IRF8: variants seen among roughly 807,000 people sequenced by gnomAD.
IRF8 encodes interferon regulatory factor 8, also known as interferon consensus sequence binding protein 1.
A neutral mutation model predicts 48.7 loss-of-function variants in IRF8; 14 were observed. That is an observed-to-expected ratio of 0.29 (90% CI 0.19 to 0.45). IRF8 has a LOEUF of 0.45. Among genes scored for constraint, IRF8 ranks in the 20% least tolerant of loss-of-function variants. IRF8 has a pLI of 1.00. For synonymous variants in IRF8, 278 were observed against 227.3 expected, an observed-to-expected ratio of 1.22 and a Z score of -2.01; for missense variants, 493 against 580.7, an observed-to-expected ratio of 0.85 and a Z score of 1.55.
intron 2 of IRF8, among the ~76,000 whole-genome samples, chr16:85,906,356 C>G (rs539054787): frequency 2.4e-4 from 37 of 152,266 alleles, no homozygotes; most frequent in African/African-American, 8.9e-4. Context: ...TGGGGGGGCC[C>G]TGAAATCACT....
intron 2 of IRF8, 95 bp downstream of exon 2, chr16:85,903,284 T>A: frequency 1.6e-6 from 2 of 1,216,376 alleles, no homozygotes; most frequent in Non-Finnish European, 2.4e-6. Context: ...CTCATTTACT[T>A]AAAAATTAAT....
In IRF8 at chr16:85,900,391, CTT is replaced by C. The variant is rs1904792504; in HGVS notation, c.-2+1169_-2+1170del. Among the ~76,000 whole-genome samples the C allele has an allele frequency of 2.0e-5, 3 of 152,182 alleles. No individual in the cohort carries two copies. The East Asian group carries it at 5.8e-4, about 29-fold the overall frequency. ...AGGAAGTTATAAACATGTGATTAGA[CTT>C]ATTAATTTTTCCTGGCTGGGCATTT... On this transcript the variant is annotated intron_variant, in intron 1 of 8. Coordinates refer to ENST00000268638, the MANE Select transcript of IRF8 (RefSeq NM_002163.4).
chr16:85,914,319 A>G (rs1208973186), intron 5 of IRF8, 154 bp from the exon 6 acceptor site: 2 of 800,124 alleles, frequency 2.5e-6, no homozygotes, highest in East Asian at 5.4e-5. Flanking sequence ...CTGGTGGGGA[A>G]AAGCACTGAA....
chr16:85,920,193 C>T lies in IRF8; in HGVS notation c.1073C>T (p.Ala358Val), dbSNP rs1306912959. The T allele has an allele frequency of 6.2e-7, 1 of 1,609,528 alleles. No homozygotes were observed. Among genetic ancestry groups the T allele is most frequent in the Non-Finnish European group, 8.5e-7 (1 of 1,177,040 alleles). The change falls in exon 8 of 9, where the codon GCC becomes GTC. Residue 358 changes from alanine to valine, a missense_variant. By Grantham distance (64) the Ala-to-Val change is moderately conservative. Around this residue, in one of 3 missense-constraint regions of IRF8, gnomAD observed 408 missense variants for 449.6 expected, o/e 0.91. Coordinates refer to ENST00000268638, the MANE Select transcript of IRF8 (RefSeq NM_002163.4). ...LCFGEEFPDM[A>V]PLRSKLILVQ... Reference sequence around the variant, plus strand: ...TTTGGGGAAGAGTTTCCGGATATGGCCCCCTTGCGCTCCAAACTCATTCTC... The same window carrying T: ...TTTGGGGAAGAGTTTCCGGATATGGTCCCCTTGCGCTCCAAACTCATTCTC...
rs771149633 is a variant in IRF8, at chr16:85,921,314, G to A, written c.*32G>A. 14 of 1,605,442 alleles carry A rather than the reference G, an allele frequency of 8.7e-6. No homozygotes were observed. In the East Asian group the frequency reaches 1.3e-4, roughly 15 times the overall value. ...CGCTTGGGCGCCCCACCCCGTCTGC[G>A]TCCTGCATCCATCTCCCTGTTACAG... On this transcript the variant is annotated 3_prime_UTR_variant, in exon 9 of 9. Transcript: ENST00000268638.
At chr16:85,917,363 A>G (rs1379471859) in intron 6 of IRF8, among the ~76,000 whole-genome samples, 2 of 152,218 alleles carry the variant, frequency 1.3e-5, no homozygotes, top group South Asian at 2.1e-4. Context: ...CTGCATTCCT[A>G]CCTTAGATTA....
At chr16:85,905,584 T>C (rs960056071) in intron 2 of IRF8, among the ~76,000 whole-genome samples, 32 of 152,254 alleles carry the variant, frequency 2.1e-4, no homozygotes, top group African/African-American at 7.5e-4. Context: ...GGGCCACCAG[T>C]GCCGGTGGAG....
chr16:85,911,511 C>A, intron 3 of IRF8, 59 bp from the exon 4 acceptor site: 1 of 1,373,284 alleles, frequency 7.3e-7, no homozygotes, highest in Non-Finnish European at 1.0e-6. Flanking sequence ...ATTATGGCTT[C>A]AGCAAAGGCT....
intron 2 of IRF8, among the ~76,000 whole-genome samples, chr16:85,905,923 C>T (rs534432017): frequency 6.6e-6 from 1 of 152,292 alleles, no homozygotes; most frequent in African/African-American, 2.4e-5. Flanking sequence ...AGGCCGGCCT[C>T]ATGGTATAGA....
At chr16:85,900,257 G>T (rs746180699) in intron 1 of IRF8, among the ~76,000 whole-genome samples, 7 of 152,120 alleles carry the variant, frequency 4.6e-5, no homozygotes, top group Non-Finnish European at 1.0e-4. Flanking sequence ...TGGATTAGGT[G>T]GGCCCAGGGC....
At chr16:85,914,541 A>G (rs377351151) in intron 6 of IRF8, 21 bp downstream of exon 6, 71 of 1,613,720 alleles carry the variant, frequency 4.4e-5, no homozygotes, top group Non-Finnish European at 5.7e-5. Context: ...GTCCGGGCTG[A>G]GAGGGGCGTG....
intron 1 of IRF8, among the ~76,000 whole-genome samples, chr16:85,899,747 C>G (rs544432577): frequency 3.9e-4 from 60 of 152,340 alleles, no homozygotes; most frequent in African/African-American, 1.4e-3. Flanking sequence ...TTGCTTCCAT[C>G]ACAGCCCAGT....
At chr16:85,914,302 C>T in intron 5 of IRF8, 171 bp from the exon 6 acceptor site, 5 of 719,188 alleles carry the variant, frequency 7.0e-6, no homozygotes, top group East Asian at 2.7e-5. Flanking sequence ...AACAATGGCT[C>T]TCTGCTCTGG....
intron 6 of IRF8, 25 bp from the exon 7 acceptor site, chr16:85,918,392 G>A (rs750578118): frequency 4.4e-6 from 7 of 1,592,652 alleles, no homozygotes; most frequent in African/African-American, 1.3e-5. Context: ...CCGCAGCACC[G>A]TCATCGTGTC....
Position 85,920,159 on chromosome 16 carries a change from G to A in IRF8, c.1039G>A (p.Val347Met), listed in dbSNP as rs781106355. 1 of 1,613,998 alleles carries A rather than the reference G, an allele frequency of 6.2e-7. No individual in the cohort carries two copies. The highest frequency in any genetic ancestry group is 8.5e-7 in the Non-Finnish European group (1 of 1,179,978). Residue 347 changes from valine to methionine, a missense_variant, in exon 8 of 9, where the codon GTG becomes ATG. Physicochemically the swap from Val to Met is conservative, Grantham distance 21. Coordinates refer to ENST00000268638, the MANE Select transcript of IRF8 (RefSeq NM_002163.4). ...SQGRLPDGRV[V>M]LCFGEEFPDM... Reference sequence around the variant, plus strand: ...GGGCCGGCTTCCTGACGGCAGGGTGGTGCTGTGCTTTGGGGAAGAGTTTCC... The same window carrying A: ...GGGCCGGCTTCCTGACGGCAGGGTGATGCTGTGCTTTGGGGAAGAGTTTCC...
At chr16:85,910,728 G>A (rs893732311) in intron 3 of IRF8, among the ~76,000 whole-genome samples, 2 of 152,226 alleles carry the variant, frequency 1.3e-5, no homozygotes, top group Admixed American at 1.3e-4. Flanking sequence ...TCTAACCTCA[G>A]TGGTTTGCAG....
chr16:85,909,350 G>T (rs754702630), intron 3 of IRF8, 177 bp downstream of exon 3: 16 of 656,824 alleles, frequency 2.4e-5, no homozygotes, highest in Non-Finnish European at 3.8e-5. Flanking sequence ...ACCTCAGAGG[G>T]AAGGGCGGAG....
At chr16:85,910,252 G>A (rs1231456811) in intron 3 of IRF8, among the ~76,000 whole-genome samples, 1 of 152,188 alleles carries the variant, frequency 6.6e-6, no homozygotes, top group South Asian at 2.1e-4. Flanking sequence ...CAAAGCCGAT[G>A]CCCGACCCGG....
intron 7 of IRF8, among the ~76,000 whole-genome samples, chr16:85,919,384 C>G (rs986530301): frequency 4.6e-5 from 7 of 152,310 alleles, no homozygotes; most frequent in African/African-American, 1.7e-4. Context: ...TCCCCATGCT[C>G]TCTGCTCCTC....
Sources: allele counts gnomAD v4.1 joint callset (sites outside exome capture counted in the v4.1 genomes callset), GRCh38; gene constraint gnomAD v4.1.1; regional missense constraint gnomAD v4.1.1; transcripts MANE v1.5; gene names NCBI Gene and HGNC (gene_info 2026-07-23, HGNC 2026-07-21).